RBFOX1: variants seen among roughly 807,000 people sequenced by gnomAD.
RBFOX1 encodes RNA binding protein fox-1 homolog 1.
A neutral mutation model predicts 57.7 loss-of-function variants in RBFOX1; 8 were observed. The observed-to-expected ratio is 0.14, with a 90% CI of 0.08 to 0.25. RBFOX1 has a LOEUF of 0.25. RBFOX1 is among the 10% of genes least tolerant of loss of function. The pLI is 1.00. For missense variants in RBFOX1, 611 were observed against 548.5 expected (o/e 1.11, Z -1.14); for synonymous variants, 326 against 222.4 (o/e 1.47, Z -4.15).
chr16:6,910,049 C>G (rs1450015327), intron 3 of RBFOX1, among the ~76,000 whole-genome samples: 4 of 152,046 alleles, frequency 2.6e-5, no homozygotes, highest in South Asian at 2.1e-4. Flanking sequence ...CCTCTACAGG[C>G]TACAAGTCTC....
intron 3 of RBFOX1, among the ~76,000 whole-genome samples, chr16:6,805,521 C>T (rs2086548185): frequency 6.6e-6 from 1 of 152,024 alleles, no homozygotes; most frequent in Non-Finnish European, 1.5e-5. Flanking sequence ...TGTACATGTA[C>T]CTCTGAGCCT....
Position 6,887,216 on chromosome 16 carries a change from C to T in RBFOX1, c.-15-164841C>T, listed in dbSNP as rs143361190. ...TCCTCCTCTATCTCTAATTCTAGTA[C>T]TTGGAAGGAGACTATAGAGTAGTGA... On this transcript the variant is annotated intron_variant, in intron 3 of 15. Coordinates refer to ENST00000550418, the MANE Select transcript of RBFOX1 (RefSeq NM_018723.4). Among the ~76,000 whole-genome samples, 415 of 152,232 alleles carry T rather than the reference C, an allele frequency of 2.7e-3. 1 individual carries two copies. Among genetic ancestry groups the T allele is most frequent in the African/African-American group, 8.8e-3 (364 of 41,538 alleles).
At chr16:7,311,074 T>A (rs2096295473) in intron 4 of RBFOX1, among the ~76,000 whole-genome samples, 1 of 152,186 alleles carries the variant, frequency 6.6e-6, no homozygotes, top group Admixed American at 6.5e-5. Flanking sequence ...TTCTTTGTGA[T>A]GCTTTTTTTT....
rs112339093 is a variant in RBFOX1, at chr16:7,653,811, G to T, written c.758-4G>T. 1.2e-3 allele frequency: 1,962 copies of T among 1,607,664 alleles called. 30 individuals are homozygous for T. The African/African-American group carries it at 0.023, about 19-fold the overall frequency. On this transcript the variant is annotated splice_region_variant and splice_polypyrimidine_tract_variant and intron_variant, in intron 11 of 15. Coordinates refer to ENST00000550418, the MANE Select transcript of RBFOX1 (RefSeq NM_018723.4). ...CTCTCTCTCTCTCTCCTCTTGCCCC[G>T]CAGTGCCAGGCTTCCCGTATCCAGC... is the stretch of plus-strand genomic sequence containing the variant.
chr16:7,179,414 A>T (rs370146708), intron 4 of RBFOX1, among the ~76,000 whole-genome samples: 1 of 152,040 alleles, frequency 6.6e-6, no homozygotes, highest in East Asian at 1.9e-4. Flanking sequence ...ATCTCTCTCA[A>T]TGATGTGTCC....
At chr16:6,835,804 A>C (rs942177613) in intron 3 of RBFOX1, among the ~76,000 whole-genome samples, 33 of 150,538 alleles carry the variant, frequency 2.2e-4, no homozygotes, top group African/African-American at 7.8e-4. Flanking sequence ...TGTAGCTCTA[A>C]ATCGGTGTCC....
chr16:6,965,559 A>T (rs945514320), intron 3 of RBFOX1, among the ~76,000 whole-genome samples: 2 of 152,046 alleles, frequency 1.3e-5, no homozygotes, highest in Admixed American at 6.6e-5. Context: ...CTGGTGTCAA[A>T]CTCCGGACCT....
At chr16:5,397,409 C>T (rs988958856) in intron 1 of RBFOX1, among the ~76,000 whole-genome samples, 7 of 152,194 alleles carry the variant, frequency 4.6e-5, no homozygotes, top group African/African-American at 1.2e-4. Flanking sequence ...CAGGTGCTCT[C>T]TGCACTGAGC....
At position 6,062,568 on chromosome 16, in the gene RBFOX1, CAT is replaced by C. The variant is rs143201301; in HGVS notation, c.-127+42583_-127+42584del. 5.7e-3 allele frequency among the ~76,000 whole-genome samples: 842 copies of C among 147,500 alleles called. 8 individuals are homozygous for C. Among genetic ancestry groups the C allele is most frequent in the African/African-American group, 0.02 (803 of 40,464 alleles). On this transcript the variant is annotated intron_variant, in intron 1 of 15. Transcript: ENST00000550418. ...TTTGTATCTATATATGTATATATAACATATATATCTATAGAGATTGTATATAT... is the reference window on the plus strand; with the variant it reads ...TTTGTATCTATATATGTATATATAACATATATCTATAGAGATTGTATATAT...
At chr16:7,195,087 A>G (rs2086365921) in intron 4 of RBFOX1, among the ~76,000 whole-genome samples, 3 of 152,080 alleles carry the variant, frequency 2.0e-5, no homozygotes, top group Admixed American at 2.0e-4. Flanking sequence ...GAATTTTAAT[A>G]AAGAGCTCTT....
At chr16:6,013,912 T>C (rs888203664) in intron 4 of RBFOX1, among the ~76,000 whole-genome samples, 5 of 129,178 alleles carry the variant, frequency 3.9e-5, no homozygotes, top group Admixed American at 2.0e-4. Flanking sequence ...AATTGAACAA[T>C]GAGAACACTT....
chr16:6,992,758 G>C (rs1489153833), intron 3 of RBFOX1, among the ~76,000 whole-genome samples: 1 of 149,746 alleles, frequency 6.7e-6, no homozygotes. Context: ...ATCTACCCAA[G>C]GTCACTTGTG....
intron 4 of RBFOX1, among the ~76,000 whole-genome samples, chr16:7,212,439 C>T (rs2091317159): frequency 6.6e-6 from 1 of 152,106 alleles, no homozygotes; most frequent in Non-Finnish European, 1.5e-5. Context: ...AATGAATAGG[C>T]ATACTTGTAT....
intron 3 of RBFOX1, among the ~76,000 whole-genome samples, chr16:6,954,461 CA>C (rs2081358564): frequency 6.6e-6 from 1 of 152,016 alleles, no homozygotes; most frequent in Non-Finnish European, 1.5e-5. Flanking sequence ...CAAGCAGGAA[CA>C]AAACTCAGTT....
In RBFOX1 at chr16:5,597,109, C is replaced by G. The variant is rs536875684; in HGVS notation, c.259-1793C>G. On this transcript the variant is annotated intron_variant, in intron 2 of 2. Transcript: ENST00000585867. The stretch of plus-strand genomic sequence containing the variant: ...AAATCCCAGAACTCTGTGGGTGGGT[C>G]TGAGTAATTCTTGTGGCTGGTACAG... Among the ~76,000 whole-genome samples, 6 of 152,300 alleles carry G rather than the reference C, an allele frequency of 3.9e-5. No homozygotes were observed. In the South Asian group the frequency reaches 1.0e-3, roughly 26 times the overall value.
intron 14 of RBFOX1, among the ~76,000 whole-genome samples, chr16:7,702,520 T>TA (rs1412346963): frequency 1.3e-5 from 2 of 152,194 alleles, no homozygotes; most frequent in Non-Finnish European, 1.5e-5. Context: ...TAAATGCCCA[T>TA]AACAGTTTAT....
chr16:6,067,999 G>C (rs377011155), intron 1 of RBFOX1, among the ~76,000 whole-genome samples: 1 of 152,166 alleles, frequency 6.6e-6, no homozygotes, highest in African/African-American at 2.4e-5. Context: ...GGAAAACACA[G>C]TCTTTCTATC....
chr16:5,984,808 T>C (rs768126105), intron 4 of RBFOX1, among the ~76,000 whole-genome samples: 1 of 151,846 alleles, frequency 6.6e-6, no homozygotes, highest in South Asian at 2.1e-4. Flanking sequence ...TACAAACTTA[T>C]ATGGCGTTTT....
chr16:5,969,521 A>G (rs1843236753), intron 4 of RBFOX1, among the ~76,000 whole-genome samples: 1 of 134,796 alleles, frequency 7.4e-6, no homozygotes, highest in African/African-American at 2.8e-5. Flanking sequence ...ACGGGGTTTC[A>G]CTGTGTTGGC....
Sources: allele counts gnomAD v4.1 joint callset (sites outside exome capture counted in the v4.1 genomes callset), GRCh38; gene constraint gnomAD v4.1.1; transcripts MANE v1.5; gene names NCBI Gene and HGNC (gene_info 2026-07-23, HGNC 2026-07-21).